ADAM22: variants seen among roughly 807,000 people sequenced by gnomAD.
ADAM22 encodes disintegrin and metalloproteinase domain-containing protein 22.
In ADAM22, 65 loss-of-function variants were observed where a neutral mutation model predicts 144.6. That is an observed-to-expected ratio of 0.45 (90% CI 0.37 to 0.55). The LOEUF is 0.55. ADAM22 is among the 20% of genes least tolerant of loss of function. The probability of loss-of-function intolerance (pLI) is 0.00; values close to 1 mark genes in which losing one functional copy is unlikely to be tolerated. For missense variants in ADAM22, 974 were observed against 1,184.9 expected, an observed-to-expected ratio of 0.82 and a Z score of 2.61; for synonymous variants, 391 against 412.6, an observed-to-expected ratio of 0.95 and a Z score of 0.63.
At chr7:88,035,753 A>G (rs1801389938) in intron 3 of ADAM22, among the ~76,000 whole-genome samples, 1 of 152,224 alleles carries the variant, frequency 6.6e-6, no homozygotes, top group Admixed American at 6.5e-5. Context: ...TTTATATAAC[A>G]GACTTGAGTA....
At chr7:88,070,723 T>C (rs370986592) in intron 3 of ADAM22, among the ~76,000 whole-genome samples, 2 of 152,300 alleles carry the variant, frequency 1.3e-5, no homozygotes, top group South Asian at 2.1e-4. Context: ...CGGATTTGAC[T>C]GAGAGAGTTA....
At chr7:88,167,838 A>G (rs1029052729) in intron 24 of ADAM22, among the ~76,000 whole-genome samples, 3 of 152,164 alleles carry the variant, frequency 2.0e-5, no homozygotes, top group Non-Finnish European at 4.4e-5. Flanking sequence ...ATTTTCTACA[A>G]GTTCCTCCCT....
chr7:88,145,609 A>G (rs2888581), intron 17 of ADAM22, 102 bp downstream of exon 17: 73,498 of 900,180 alleles, frequency 0.082, 6,986 homozygotes, highest in African/African-American at 0.4. Context: ...AGTATCTAAC[A>G]TATATTAAAT....
intron 27 of ADAM22, among the ~76,000 whole-genome samples, chr7:88,181,110 C>T (rs4728734): frequency 0.29 from 43,650 of 151,954 alleles, 8,313 homozygotes; most frequent in East Asian, 0.54. Flanking sequence ...CTCATAATAT[C>T]TGAGTGGAAA....
chr7:88,144,544 C>G (rs913207467), intron 15 of ADAM22, among the ~76,000 whole-genome samples: 7 of 152,080 alleles, frequency 4.6e-5, no homozygotes, highest in Non-Finnish European at 8.8e-5. Flanking sequence ...ATGCTTTTCT[C>G]ATTGTCTATG....
Position 87,953,941 on chromosome 7 carries a change from T to G in ADAM22, c.246+18755T>G, listed in dbSNP as rs1222923617. ...TGATCTTGGTTGGTTTAAAGTCTGTTTTATCAGAGACTAGGATTGCAACCC... is the reference window on the plus strand; with the variant it reads ...TGATCTTGGTTGGTTTAAAGTCTGTGTTATCAGAGACTAGGATTGCAACCC... On this transcript the variant is annotated intron_variant, in intron 2 of 31. Transcript: ENST00000413139. Among the ~76,000 whole-genome samples, 11 of 152,284 alleles carry G rather than the reference T, an allele frequency of 7.2e-5. No homozygotes were observed. The East Asian group carries it at 2.1e-3, about 29-fold the overall frequency.
chr7:88,145,072 T>C (rs747027099), intron 15 of ADAM22, 53 bp from the exon 16 acceptor site: 127 of 1,534,738 alleles, frequency 8.3e-5, no homozygotes, highest in Non-Finnish European at 1.1e-4. Context: ...TCTCTCAAAG[T>C]CTTTGATGTT....
At chr7:88,099,414 C>G (rs1006049644) in intron 4 of ADAM22, among the ~76,000 whole-genome samples, 4 of 152,178 alleles carry the variant, frequency 2.6e-5, no homozygotes, top group Non-Finnish European at 5.9e-5. Context: ...CCTGAGCACA[C>G]AGTGCATTGT....
chr7:87,946,740 C>G (rs1843765945), intron 2 of ADAM22, among the ~76,000 whole-genome samples: 2 of 152,086 alleles, frequency 1.3e-5, no homozygotes, highest in South Asian at 4.1e-4. Context: ...ATCATTCTAC[C>G]AAAAAGACAC....
At chr7:88,110,520 A>G (rs1188484459) in intron 5 of ADAM22, among the ~76,000 whole-genome samples, 1 of 151,996 alleles carries the variant, frequency 6.6e-6, no homozygotes, top group Non-Finnish European at 1.5e-5. Flanking sequence ...GAACCTAAGA[A>G]TGATACCTGT....
rs534876182 is a variant in ADAM22, at chr7:87,934,266, C to G, written c.-200C>G. 97 of 514,468 alleles carry G rather than the reference C, an allele frequency of 1.9e-4. No homozygotes were observed. The highest frequency in any genetic ancestry group is 1.6e-3 in the African/African-American group (76 of 48,962). 31.9% of individuals were successfully genotyped at this position (514,468 alleles called of 1,614,324 possible). A position where few individuals can be genotyped will look rare whatever the true frequency, so the allele number is the denominator to read the frequency against. ...CCAATGCAGCACTCGCTCGCTCCCC[C>G]CGCCAGCGGAAGCGTCCGCGAAGCA... On this transcript the variant is annotated 5_prime_UTR_variant, in exon 1 of 32. Coordinates refer to ENST00000413139, the MANE Select transcript of ADAM22 (RefSeq NM_001324418.2).
chr7:88,006,725 T>C (rs1793967997), intron 3 of ADAM22, among the ~76,000 whole-genome samples: 1 of 149,730 alleles, frequency 6.7e-6, no homozygotes, highest in Non-Finnish European at 1.5e-5. Context: ...AAACTCTCAA[T>C]AAATTAGGTA....
At chr7:88,075,735 CTT>C (rs1015089011) in intron 4 of ADAM22, 43 bp downstream of exon 4, 1 of 1,284,642 alleles carries the variant, frequency 7.8e-7, no homozygotes, top group African/African-American at 1.5e-5. Context: ...TGTTGAGAAT[CTT>C]TTAATACTAC....
At chr7:88,178,858 C>T in intron 26 of ADAM22, 77 bp from the exon 27 acceptor site, 8 of 856,234 alleles carry the variant, frequency 9.3e-6, no homozygotes, top group South Asian at 7.0e-5. Flanking sequence ...CTCTTTTTTC[C>T]TGAAATAATA....
intron 14 of ADAM22, among the ~76,000 whole-genome samples, chr7:88,142,816 C>A (rs1231954941): frequency 6.7e-6 from 1 of 148,700 alleles, no homozygotes; most frequent in South Asian, 2.1e-4. Context: ...CCAGCCTGGG[C>A]GACAGAGCTA....
Position 88,165,874 on chromosome 7 carries a change from A to G in ADAM22, c.2119A>G (p.Ile707Val), listed in dbSNP as rs1261183823. The G allele has an allele frequency of 1.2e-6, 2 of 1,611,846 alleles. No homozygotes were observed. The highest frequency in any genetic ancestry group is 1.7e-6 in the Non-Finnish European group (2 of 1,178,950). ...ELKCVCNRHW[I>V]GSDCNTYFPH... ...GAAGTGTGTGTGTAACAGACACTGGATAGGTTCTGATTGCAACACTTACTT... is the reference window on the plus strand; with the variant it reads ...GAAGTGTGTGTGTAACAGACACTGGGTAGGTTCTGATTGCAACACTTACTT... Residue 707 changes from isoleucine to valine, a missense_variant, in exon 24 of 32, where the codon ATA (isoleucine) becomes GTA (valine). This residue lies in a region of ADAM22 where 734 missense variants were observed against 950.6 expected (regional missense o/e 0.77). Coordinates refer to ENST00000413139, the MANE Select transcript of ADAM22 (RefSeq NM_001324418.2).
At chr7:87,970,986 C>T (rs1302071265) in intron 2 of ADAM22, among the ~76,000 whole-genome samples, 5 of 152,136 alleles carry the variant, frequency 3.3e-5, no homozygotes, top group Admixed American at 3.3e-4. Context: ...TCACTGCTTG[C>T]CTCAATCTCT....
intron 4 of ADAM22, among the ~76,000 whole-genome samples, chr7:88,107,198 CTTTTTTTT>C (rs561936408): frequency 1.3e-5 from 1 of 76,582 alleles, no homozygotes; most frequent in South Asian, 4.6e-4. Flanking sequence ...GATTGAATTT[CTTTTTTTT>C]TTTTTTTTTT....
chr7:88,100,464 A>G (rs990753377), intron 4 of ADAM22, among the ~76,000 whole-genome samples: 6 of 152,184 alleles, frequency 3.9e-5, no homozygotes, highest in Non-Finnish European at 5.9e-5. Flanking sequence ...CTTAGCCTTT[A>G]GAATCAGATA....
Sources: allele counts gnomAD v4.1 joint callset (sites outside exome capture counted in the v4.1 genomes callset), GRCh38; gene constraint gnomAD v4.1.1; regional missense constraint gnomAD v4.1.1; transcripts MANE v1.5; gene names NCBI Gene and HGNC (gene_info 2026-07-23, HGNC 2026-07-21).